The following PCBD2 variants were observed in gnomAD, a reference collection of about 807,000 sequenced individuals.
PCBD2 encodes pterin-4 alpha-carbinolamine dehydratase 2, also known as pterin-4-alpha-carbinolamine dehydratase 2.
In PCBD2, 12 loss-of-function variants were observed where a neutral mutation model predicts 16.4. That is an observed-to-expected ratio of 0.73 (90% CI 0.47 to 1.19). The LOEUF is 1.19. Ranked by LOEUF, PCBD2 falls within the 50% of genes most tolerant of loss-of-function variation. The probability of loss-of-function intolerance (pLI) is 0.00; values close to 1 mark genes in which losing one functional copy is unlikely to be tolerated. For synonymous variants in PCBD2, 58 were observed against 61.8 expected (o/e 0.94, Z 0.29); for missense variants, 138 against 156.8 (o/e 0.88, Z 0.64).
chr5:134,934,900 A>C (rs188988682), intron 2 of PCBD2, among the ~76,000 whole-genome samples: 42 of 152,352 alleles, frequency 2.8e-4, no homozygotes, highest in Admixed American at 1.6e-3. Flanking sequence ...ACTGTTAAAA[A>C]ACATCTAGAT....
chr5:134,930,020 A>G (rs1375793778), intron 2 of PCBD2, among the ~76,000 whole-genome samples: 2 of 152,178 alleles, frequency 1.3e-5, no homozygotes, highest in Non-Finnish European at 2.9e-5. Flanking sequence ...TTAATTAAGC[A>G]TCTTAGAGCT....
At chr5:134,912,889 C>A (rs1750785098) in intron 2 of PCBD2, among the ~76,000 whole-genome samples, 1 of 152,138 alleles carries the variant, frequency 6.6e-6, no homozygotes, top group African/African-American at 2.4e-5. Flanking sequence ...GATGGGTCCT[C>A]ATTCATCTTT....
At chr5:134,932,510 T>A (rs1010878256) in intron 2 of PCBD2, among the ~76,000 whole-genome samples, 1 of 152,010 alleles carries the variant, frequency 6.6e-6, no homozygotes, top group Non-Finnish European at 1.5e-5. Flanking sequence ...CTCAGCTAAT[T>A]TTTGTATTTT....
chr5:134,959,535 C>T lies in PCBD2; in HGVS notation c.297+415C>T, dbSNP rs576249966. 3.3e-5 allele frequency among the ~76,000 whole-genome samples: 5 copies of T among 152,144 alleles called. No individual in the cohort carries two copies. In the East Asian group the frequency reaches 7.7e-4, roughly 23 times the overall value. On this transcript the variant is annotated intron_variant, in intron 3 of 3. Transcript: ENST00000254908. ...GAAAACTATTAAATTTTGTATCCTG[C>T]GTAGGAAATGACCTTATTTAAGACA...
At chr5:134,944,416 A>C (rs1751267453) in intron 2 of PCBD2, among the ~76,000 whole-genome samples, 1 of 152,150 alleles carries the variant, frequency 6.6e-6, no homozygotes, top group African/African-American at 2.4e-5. Context: ...CGGTTTGGTT[A>C]ATCTGATCAT....
intron 2 of PCBD2, among the ~76,000 whole-genome samples, chr5:134,947,634 G>A (rs1370969313): frequency 6.6e-6 from 1 of 151,736 alleles, no homozygotes; most frequent in East Asian, 1.9e-4. Flanking sequence ...TGATCCACCC[G>A]CCTCGGCCTC....
intron 2 of PCBD2, among the ~76,000 whole-genome samples, chr5:134,911,809 T>TC (rs1265211541): frequency 6.6e-6 from 1 of 152,220 alleles, no homozygotes; most frequent in Non-Finnish European, 1.5e-5. Flanking sequence ...AGACTCCCTG[T>TC]CCCCGCTGCC....
intron 2 of PCBD2, among the ~76,000 whole-genome samples, chr5:134,951,176 C>T (rs1751355323): frequency 6.6e-6 from 1 of 152,212 alleles, no homozygotes; most frequent in Non-Finnish European, 1.5e-5. Flanking sequence ...CTCTCCTCAT[C>T]TTTCACCATT....
chr5:134,954,559 G>C (rs1355572267), intron 2 of PCBD2, among the ~76,000 whole-genome samples: 2 of 152,188 alleles, frequency 1.3e-5, no homozygotes, highest in African/African-American at 4.8e-5. Flanking sequence ...AGAAGGATGA[G>C]TGATAATTAT....
chr5:134,922,003 C>T lies in PCBD2; in HGVS notation c.216+11537C>T, dbSNP rs900901471. On this transcript the variant is annotated intron_variant, in intron 2 of 3. Transcript: ENST00000254908. ...CCACAGCCCAGCCCTAAGCCTACCT[C>T]GCATTACTCTGCAAGAAGCCTCTTT... Among the ~76,000 whole-genome samples, 10 of 152,304 alleles carry T rather than the reference C, an allele frequency of 6.6e-5. No homozygotes were observed. The East Asian group carries it at 1.5e-3, about 24-fold the overall frequency.
chr5:134,940,435 T>TA (rs1561912836), intron 2 of PCBD2, among the ~76,000 whole-genome samples: 25 of 139,762 alleles, frequency 1.8e-4, no homozygotes, highest in Admixed American at 1.4e-3. Context: ...GCATATATAT[T>TA]TTTTTTTTTA....
rs139111062 is a variant in PCBD2, at chr5:134,949,401, AG to A, written c.217-9638del. The stretch of plus-strand genomic sequence containing the variant: ...CACTAGCATTAACTGAGTTCTTAAT[AG>A]AGTGCCAGGCATACTGTAAAGTATA... On this transcript the variant is annotated intron_variant, in intron 2 of 3. Transcript: ENST00000254908. Among the ~76,000 whole-genome samples, 1,112 of 152,302 alleles carry A rather than the reference AG, an allele frequency of 7.3e-3. 10 individuals carry two copies. Among genetic ancestry groups the A allele is most frequent in the African/African-American group, 0.026 (1,067 of 41,558 alleles).
intron 2 of PCBD2, among the ~76,000 whole-genome samples, chr5:134,912,248 C>T (rs1750776505): frequency 6.6e-6 from 1 of 152,172 alleles, no homozygotes; most frequent in Non-Finnish European, 1.5e-5. Context: ...AGAACCAACA[C>T]TGAGATTATA....
intron 2 of PCBD2, among the ~76,000 whole-genome samples, chr5:134,922,306 T>C (rs1561908363): frequency 6.6e-6 from 1 of 152,110 alleles, no homozygotes; most frequent in Non-Finnish European, 1.5e-5. Flanking sequence ...CAGTCTCTTG[T>C]GTAGCTGGGA....
chr5:134,905,136 G>C lies in PCBD2; in HGVS notation c.-4G>C, dbSNP rs1300971728. ...CGCGCGGGGCAGCCCTCGGCAGACGGCCAATGGCGGCGGTGCTCGGGGCGC... is the reference window on the plus strand; with the variant it reads ...CGCGCGGGGCAGCCCTCGGCAGACGCCCAATGGCGGCGGTGCTCGGGGCGC... On this transcript the variant is annotated 5_prime_UTR_variant, in exon 1 of 4. Transcript: ENST00000254908. The C allele has an allele frequency of 5.7e-6, 7 of 1,218,188 alleles. No homozygotes were observed. The East Asian group carries it at 1.6e-4, about 29-fold the overall frequency. The allele number at this position is 1,218,188 out of a possible 1,614,324, so 75.5% of individuals were successfully genotyped here. A position where few individuals can be genotyped will look rare whatever the true frequency, so the allele number is the denominator to read the frequency against.
At chr5:134,929,654 T>C (rs28659771) in intron 2 of PCBD2, among the ~76,000 whole-genome samples, 4 of 152,204 alleles carry the variant, frequency 2.6e-5, no homozygotes, top group African/African-American at 2.4e-5. Context: ...CCTAGACTTA[T>C]ACTTGTTTGT....
At chr5:134,947,544 C>A (rs966922145) in intron 2 of PCBD2, among the ~76,000 whole-genome samples, 1 of 151,918 alleles carries the variant, frequency 6.6e-6, no homozygotes, top group Admixed American at 6.6e-5. Context: ...CCCACTACCA[C>A]GCCTGGCTAA....
At chr5:134,955,043 G>C (rs187030580) in intron 2 of PCBD2, among the ~76,000 whole-genome samples, 1 of 151,900 alleles carries the variant, frequency 6.6e-6, no homozygotes, top group East Asian at 1.9e-4. Context: ...TGTCTGGCCA[G>C]ATTCTTTTCA....
intron 2 of PCBD2, chr5:134,927,757 GT>G (rs140217081): frequency 7.5e-6 from 3 of 397,762 alleles, no homozygotes; most frequent in Non-Finnish European, 1.3e-5. Context: ...GAGAGGTAGA[GT>G]TTTTTTCGTG....
Sources: allele counts gnomAD v4.1 joint callset (sites outside exome capture counted in the v4.1 genomes callset), GRCh38; gene constraint gnomAD v4.1.1; transcripts MANE v1.5; gene names NCBI Gene and HGNC (gene_info 2026-07-23, HGNC 2026-07-21).